Variants in FBXL17 observed in about 807,000 individuals in gnomAD.
FBXL17 encodes the protein F-box and leucine rich repeat protein 17, also known as F-box/LRR-repeat protein 17.
In FBXL17, 22 loss-of-function variants were observed where a neutral mutation model predicts 66.2. That is an observed-to-expected ratio of 0.33 (90% CI 0.24 to 0.47). The LOEUF is 0.47. Ranked by LOEUF, FBXL17 falls within the 20% of genes least tolerant of loss-of-function variation. FBXL17 has a pLI of 1.00. For missense variants in FBXL17, 878 were observed against 948.2 expected (o/e 0.93, Z 0.97); for synonymous variants, 474 against 400.5 (o/e 1.18, Z -2.19).
At chr5:108,192,289 A>G (rs1753499386) in intron 5 of FBXL17, among the ~76,000 whole-genome samples, 1 of 152,216 alleles carries the variant, frequency 6.6e-6, no homozygotes, top group South Asian at 2.1e-4. Context: ...ATCACAGAGG[A>G]TTTGAATAAG....
intron 6 of FBXL17, among the ~76,000 whole-genome samples, chr5:108,156,368 A>T (rs1751996633): frequency 6.6e-6 from 1 of 152,042 alleles, no homozygotes; most frequent in South Asian, 2.1e-4. Flanking sequence ...GTATATACTC[A>T]ACATAGGAAA....
intron 7 of FBXL17, among the ~76,000 whole-genome samples, chr5:107,987,654 G>A (rs1405688279): frequency 6.6e-6 from 1 of 151,992 alleles, no homozygotes; most frequent in Middle Eastern, 3.4e-3. Flanking sequence ...TGAAAATCTT[G>A]TCTACTATTT....
At chr5:108,295,461 T>C (rs1263707792) in intron 4 of FBXL17, among the ~76,000 whole-genome samples, 2 of 151,936 alleles carry the variant, frequency 1.3e-5, no homozygotes, top group Non-Finnish European at 2.9e-5. Flanking sequence ...ATTAAGTAAA[T>C]TGTTCAAGGA....
intron 4 of FBXL17, among the ~76,000 whole-genome samples, chr5:108,340,162 T>C (rs1306038170): frequency 6.7e-6 from 1 of 149,696 alleles, no homozygotes; most frequent in South Asian, 2.1e-4. Context: ...AAGATACCAA[T>C]AGACTAAAAA....
At chr5:107,946,245 C>T (rs1303946029) in intron 7 of FBXL17, among the ~76,000 whole-genome samples, 2 of 100,564 alleles carry the variant, frequency 2.0e-5, no homozygotes, top group Non-Finnish European at 1.9e-5. Context: ...TTACTTTTAT[C>T]AATCTCATTT....
At chr5:107,887,585 C>G (rs1289101737) in intron 7 of FBXL17, among the ~76,000 whole-genome samples, 1 of 152,144 alleles carries the variant, frequency 6.6e-6, no homozygotes, top group Admixed American at 6.5e-5. Context: ...GGCACGGTTA[C>G]AAAGAGATAA....
At chr5:107,972,969 C>G (rs2112653254) in intron 7 of FBXL17, among the ~76,000 whole-genome samples, 1 of 152,326 alleles carries the variant, frequency 6.6e-6, no homozygotes, top group East Asian at 1.9e-4. Context: ...CCTCTCACCC[C>G]ATCTCCATCC....
chr5:108,009,294 T>TAGATAGATAGATAGATAGATAGATAG lies in FBXL17; in HGVS notation c.1822+11630_1822+11631insCTATCTATCTATCTATCTATCTATCT, dbSNP rs1451083581. ...ATATATATATATATATATATATATA[T>TAGATAGATAGATAGATAGATAGATAG]ATATATACATATATACATACACATA... On this transcript the variant is annotated intron_variant, in intron 7 of 8. Transcript: ENST00000542267. Among the ~76,000 whole-genome samples the TAGATAGATAGATAGATAGATAGATAG allele has an allele frequency of 4.7e-3, 320 of 68,474 alleles. 54 individuals are homozygous for TAGATAGATAGATAGATAGATAGATAG. The highest frequency in any genetic ancestry group is 6.4e-3 in the Non-Finnish European group (241 of 37,846). The allele number at this position is 68,474 out of a possible 152,430, so 44.9% of individuals were successfully genotyped here.
At chr5:108,186,354 A>C in intron 5 of FBXL17, 107 bp from the exon 6 acceptor site, 1 of 850,682 alleles carries the variant, frequency 1.2e-6, no homozygotes, top group South Asian at 1.9e-5. Context: ...TAAAATATTT[A>C]AAACAGATAG....
intron 7 of FBXL17, among the ~76,000 whole-genome samples, chr5:107,921,239 A>T (rs1750308685): frequency 6.6e-6 from 1 of 152,238 alleles, no homozygotes; most frequent in Non-Finnish European, 1.5e-5. Context: ...TTATTTACAC[A>T]CTAGCAGCTC....
At chr5:108,095,387 T>G (rs1352827422) in intron 6 of FBXL17, among the ~76,000 whole-genome samples, 2 of 152,048 alleles carry the variant, frequency 1.3e-5, no homozygotes. Flanking sequence ...GGGGATGATA[T>G]TTATGTCCAC....
chr5:108,163,332 T>A (rs1469937184), intron 6 of FBXL17, among the ~76,000 whole-genome samples: 1 of 151,886 alleles, frequency 6.6e-6, no homozygotes, highest in Non-Finnish European at 1.5e-5. Context: ...ATAAGAAGGT[T>A]CAACTGACAA....
At chr5:108,089,791 A>T (rs1284838900) in intron 6 of FBXL17, among the ~76,000 whole-genome samples, 1 of 152,192 alleles carries the variant, frequency 6.6e-6, no homozygotes, top group East Asian at 1.9e-4. Context: ...AAGAATGACC[A>T]AAGAGTTAAA....
chr5:108,245,838 C>T (rs1756070575), intron 4 of FBXL17, among the ~76,000 whole-genome samples: 1 of 152,216 alleles, frequency 6.6e-6, no homozygotes, highest in South Asian at 2.1e-4. Context: ...ATATACTCAT[C>T]TCTCCAACTG....
chr5:107,948,997 C>A (rs905733332), intron 7 of FBXL17, among the ~76,000 whole-genome samples: 1 of 152,052 alleles, frequency 6.6e-6, no homozygotes, highest in Non-Finnish European at 1.5e-5. Context: ...TTTTTCTCAT[C>A]ACTATATCAA....
chr5:108,072,181 A>G (rs955019497), intron 6 of FBXL17, among the ~76,000 whole-genome samples: 2 of 152,122 alleles, frequency 1.3e-5, no homozygotes, highest in African/African-American at 4.8e-5. Context: ...ATGGAATTCA[A>G]CTGAGATTCC....
chr5:108,078,595 C>T (rs180934963), intron 6 of FBXL17, among the ~76,000 whole-genome samples: 22 of 152,200 alleles, frequency 1.4e-4, no homozygotes, highest in African/African-American at 4.6e-4. Flanking sequence ...GAGTTTGACA[C>T]CTTAAAGATC....
chr5:108,305,380 A>G (rs1177671644), intron 4 of FBXL17, among the ~76,000 whole-genome samples: 1 of 151,926 alleles, frequency 6.6e-6, no homozygotes, highest in Admixed American at 6.6e-5. Flanking sequence ...GGACTTAATA[A>G]CTAGGTGATG....
At chr5:108,193,836 A>T (rs1412413086) in intron 5 of FBXL17, among the ~76,000 whole-genome samples, 1 of 152,070 alleles carries the variant, frequency 6.6e-6, no homozygotes, top group Non-Finnish European at 1.5e-5. Flanking sequence ...TGCCTTCTTA[A>T]TCACACTGGG....
Sources: allele counts gnomAD v4.1 joint callset (sites outside exome capture counted in the v4.1 genomes callset), GRCh38; gene constraint gnomAD v4.1.1; transcripts MANE v1.5; gene names NCBI Gene and HGNC (gene_info 2026-07-23, HGNC 2026-07-21).